Variants in ZBTB7C observed in about 807,000 individuals in gnomAD.
The protein encoded by ZBTB7C is zinc finger and BTB domain-containing protein 7C.
ZBTB7C carries 8 observed loss-of-function variants against 25.7 expected under a neutral mutation model. The ratio of observed to expected loss-of-function variants is 0.31; its 90% CI spans 0.18 to 0.56. ZBTB7C has a LOEUF of 0.56. Ranked by LOEUF, ZBTB7C falls within the 20% of genes least tolerant of loss-of-function variation. The pLI, the probability that ZBTB7C is intolerant of heterozygous loss-of-function variation, is 0.91. For synonymous variants in ZBTB7C, 394 were observed against 369.0 expected (o/e 1.07, Z -0.78); for missense variants, 824 against 855.2 (o/e 0.96, Z 0.46).
intron 3 of ZBTB7C, chr18:48,041,622 A>C (rs565026067): frequency 4.1e-5 from 37 of 911,862 alleles, no homozygotes; most frequent in Middle Eastern, 5.6e-4. Context: ...TAGGAAGCTT[A>C]AAACAAATTT....
intron 2 of ZBTB7C, among the ~76,000 whole-genome samples, chr18:48,264,654 A>T (rs1405493953): frequency 6.6e-6 from 1 of 151,680 alleles, no homozygotes; most frequent in Non-Finnish European, 1.5e-5. Flanking sequence ...CACCATGGCA[A>T]CAGCCTCCTT....
intron 3 of ZBTB7C, among the ~76,000 whole-genome samples, chr18:48,140,241 C>T (rs890706996): frequency 1.4e-4 from 22 of 152,212 alleles, no homozygotes; most frequent in East Asian, 7.7e-4. Context: ...CACAAGCACA[C>T]GCAGATACAG....
At chr18:48,184,871 G>A (rs2042018143) in intron 3 of ZBTB7C, among the ~76,000 whole-genome samples, 1 of 151,842 alleles carries the variant, frequency 6.6e-6, no homozygotes, top group South Asian at 2.1e-4. Context: ...CTCTCTCTGA[G>A]ACAAAGGGAG....
chr18:48,351,914 A>T (rs2046871727), intron 1 of ZBTB7C, among the ~76,000 whole-genome samples: 1 of 151,988 alleles, frequency 6.6e-6, no homozygotes, highest in Admixed American at 6.6e-5. Flanking sequence ...GACAGAGGGG[A>T]GTGCTAAGTC....
At chr18:48,410,099 C>T (rs911490274), upstream of ZBTB7C, among the ~76,000 whole-genome samples, 3 of 151,488 alleles carry the variant, frequency 2.0e-5, no homozygotes, top group Non-Finnish European at 2.9e-5. Context: ...TAAAACAACT[C>T]GGCAACTGCT....
At chr18:48,179,256 C>G (rs543697743) in intron 3 of ZBTB7C, among the ~76,000 whole-genome samples, 8 of 152,178 alleles carry the variant, frequency 5.3e-5, no homozygotes, top group South Asian at 2.1e-4. Flanking sequence ...CTTGTCTTTT[C>G]TGAGGACTGT....
intron 3 of ZBTB7C, among the ~76,000 whole-genome samples, chr18:48,068,942 C>T (rs1454612668): frequency 1.3e-5 from 2 of 152,182 alleles, no homozygotes; most frequent in Non-Finnish European, 2.9e-5. Flanking sequence ...ACCAGCAGGA[C>T]CCCATGATGT....
chr18:48,258,894 T>A (rs983873710), intron 2 of ZBTB7C, among the ~76,000 whole-genome samples: 2 of 152,158 alleles, frequency 1.3e-5, no homozygotes, highest in African/African-American at 4.8e-5. Context: ...TGACCTCAGG[T>A]TATCAGCCTG....
chr18:48,261,283 G>C (rs11873852), intron 2 of ZBTB7C, among the ~76,000 whole-genome samples: 6,282 of 152,188 alleles, frequency 0.041, 234 homozygotes, highest in East Asian at 0.18. Context: ...TTAATATCTC[G>C]AGTGCTGGGC....
chr18:48,096,273 C>T (rs994448662), intron 3 of ZBTB7C, among the ~76,000 whole-genome samples: 4 of 152,110 alleles, frequency 2.6e-5, no homozygotes, highest in Admixed American at 6.5e-5. Flanking sequence ...AGGAAGAAAA[C>T]GGAATCACAG....
chr18:48,099,973 C>T (rs13381069), intron 3 of ZBTB7C, among the ~76,000 whole-genome samples: 25,013 of 152,214 alleles, frequency 0.16, 2,286 homozygotes, highest in Non-Finnish European at 0.21. Flanking sequence ...ACAGCGACCT[C>T]CTTAGCAGGC....
At chr18:48,379,172 T>C (rs1598997587) in intron 1 of ZBTB7C, among the ~76,000 whole-genome samples, 1 of 152,186 alleles carries the variant, frequency 6.6e-6, no homozygotes, top group South Asian at 2.1e-4. Flanking sequence ...GTTGACTACA[T>C]TTGTGTGGCC....
chr18:48,037,773 T>C (rs1202229203), intron 4 of ZBTB7C, among the ~76,000 whole-genome samples: 3 of 152,192 alleles, frequency 2.0e-5, no homozygotes, highest in African/African-American at 7.2e-5. Flanking sequence ...GGGGCAGGCA[T>C]GGGCAGTTAG....
Position 48,119,518 on chromosome 18 carries a change from G to A in ZBTB7C, c.-17+66416C>T, listed in dbSNP as rs77145096. Among the ~76,000 whole-genome samples the A allele has an allele frequency of 3.8e-3, 581 of 152,322 alleles. 2 individuals carry two copies. Among genetic ancestry groups the A allele is most frequent in the African/African-American group, 0.013 (559 of 41,560 alleles). ...CAACAAAGTGCACTTGGAGGAATGG[G>A]GGCATTTCTCATTTGTATTCTCATT... On this transcript the variant is annotated intron_variant, in intron 3 of 4. Coordinates refer to ENST00000590800, the MANE Select transcript of ZBTB7C (RefSeq NM_001318841.2).
At chr18:48,108,133 G>A (rs945116790) in intron 3 of ZBTB7C, among the ~76,000 whole-genome samples, 5 of 152,142 alleles carry the variant, frequency 3.3e-5, no homozygotes, top group South Asian at 2.1e-4. Context: ...GGACCCCAAG[G>A]CTCGTCTATT....
chr18:48,219,077 A>G (rs542036133), intron 2 of ZBTB7C, among the ~76,000 whole-genome samples: 21 of 152,018 alleles, frequency 1.4e-4, no homozygotes, highest in Non-Finnish European at 2.9e-4. Flanking sequence ...CTTCCCATCT[A>G]TCGTTCCATC....
intron 3 of ZBTB7C, among the ~76,000 whole-genome samples, chr18:48,062,059 A>G (rs1326393675): frequency 1.3e-5 from 2 of 152,226 alleles, no homozygotes. Flanking sequence ...CAGAAAATTT[A>G]CAGGAGCTAA....
At chr18:48,194,858 G>A (rs917332788) in intron 2 of ZBTB7C, among the ~76,000 whole-genome samples, 1 of 149,532 alleles carries the variant, frequency 6.7e-6, no homozygotes, top group Non-Finnish European at 1.5e-5. Flanking sequence ...CATTTTGTTC[G>A]GGCCCTGCAG....
In ZBTB7C at chr18:48,080,952, C is replaced by T. The variant is rs184511008; in HGVS notation, c.-16-39829G>A. Among the ~76,000 whole-genome samples the T allele has an allele frequency of 5.9e-5, 9 of 152,350 alleles. No individual in the cohort carries two copies. In the East Asian group the frequency reaches 1.2e-3, roughly 20 times the overall value. On this transcript the variant is annotated intron_variant, in intron 3 of 4. Transcript: ENST00000590800. The stretch of plus-strand genomic sequence containing the variant: ...TTGAGATTCGTGTATTCTTTCCTCA[C>T]TCACCCCTGGTTTGATCTCTCTCAT...
Sources: gnomAD v4.1 joint callset for allele counts (sites outside exome capture counted in the v4.1 genomes callset) on GRCh38, gnomAD v4.1.1 for gene constraint, MANE v1.5 for transcripts, NCBI Gene and HGNC (gene_info 2026-07-23, HGNC 2026-07-21) for gene names.